JAKMIP3: variants seen among roughly 807,000 people sequenced by gnomAD.
The protein encoded by JAKMIP3 is janus kinase and microtubule-interacting protein 3.
In JAKMIP3, 58 loss-of-function variants were observed where a neutral mutation model predicts 118.5. That is an observed-to-expected ratio of 0.49 (90% confidence interval 0.40 to 0.61). The LOEUF is 0.61. JAKMIP3 is among the 20% of genes least tolerant of loss of function. The probability of loss-of-function intolerance (pLI) is 0.00; values close to 1 mark genes in which losing one functional copy is unlikely to be tolerated. For missense variants in JAKMIP3, 950 were observed against 1,109.0 expected (o/e 0.86, Z 2.04); for synonymous variants, 486 against 451.2 (o/e 1.08, Z -0.98).
rs762758891 is a variant in JAKMIP3, at chr10:132,135,987, C to T, written c.1027C>T (p.Arg343Cys). ...QYKPLLDKNK[R>C]LSRKNEDLSH... Reference sequence around the variant, plus strand: ...CAAGCCTCTGCTGGATAAAAACAAGCGCCTCAGTCGGAAGAACGAGGATTT... The same window carrying T: ...CAAGCCTCTGCTGGATAAAAACAAGTGCCTCAGTCGGAAGAACGAGGATTT... The change falls in exon 6 of 24, where the codon CGC (arginine) becomes TGC (cysteine). Residue 343 changes from arginine (R) to cysteine (C), a missense_variant. Coordinates refer to ENST00000684848, the MANE Select transcript of JAKMIP3 (RefSeq NM_001323087.2). 24 of 1,613,390 alleles carry T rather than the reference C, an allele frequency of 1.5e-5. No homozygotes were observed. Among genetic ancestry groups the T allele is most frequent in the East Asian group, 2.2e-5 (1 of 44,890 alleles).
intron 13 of JAKMIP3, among the ~76,000 whole-genome samples, chr10:132,147,608 C>T (rs942349090): frequency 6.6e-5 from 10 of 152,358 alleles, no homozygotes; most frequent in African/African-American, 1.7e-4. Flanking sequence ...GTGCTCCTGG[C>T]TTGTGATGTA....
rs114626954 is a variant in JAKMIP3, at chr10:132,173,322, C to G, written c.*1103+4289C>G. On this transcript the variant is annotated intron_variant, in intron 23 of 23. Transcript: ENST00000684848. ...TGTGTGGTTCTTCGCAGCCATCTTC[C>G]CCTCCTTGTTTGTGACACTGGCGGT... 4.1e-3 allele frequency among the ~76,000 whole-genome samples: 605 copies of G among 149,222 alleles called. 7 individuals carry two copies. The highest frequency in any genetic ancestry group is 0.014 in the African/African-American group (554 of 40,208).
rs1370466138 is a variant in JAKMIP3, at chr10:132,044,800, A to AC, written c.-138+8068dup. ...TTTCATCTTCCCAAACGGAAACTGT[A>AC]CCCCCCACCCAGCCCCTGACACCCC... On this transcript the variant is annotated intron_variant, in intron 1 of 23. Coordinates refer to the JAKMIP3 transcript ENST00000657785. This position sits in a 1 kb window ranked among gnomAD's most constrained non-coding sequence, Gnocchi z 5.3. 6.6e-6 allele frequency among the ~76,000 whole-genome samples: 1 copy of AC among 151,596 alleles called. No homozygotes were observed.
At chr10:132,155,117 CATGATG>C (rs534285754) in intron 19 of JAKMIP3, among the ~76,000 whole-genome samples, 1 of 106,882 alleles carries the variant, frequency 9.4e-6, no homozygotes, top group East Asian at 3.0e-4. Context: ...CGATGATGGT[CATGATG>C]ATGGTGATGG....
In JAKMIP3 at chr10:132,168,723, C is replaced by A. The variant is rs553960270; in HGVS notation, c.*793C>A. ...ACTGAGCCAAGGAAGGCGTGGGGAG[C>A]GTGGTGACAGGAGGTGGGACGAGGG... is the stretch of plus-strand genomic sequence containing the variant. On this transcript the variant is annotated 3_prime_UTR_variant, in exon 23 of 24. Transcript: ENST00000684848. 2 of 265,860 alleles carry A rather than the reference C, an allele frequency of 7.5e-6. No homozygotes were observed. The highest frequency in any genetic ancestry group is 7.4e-6 in the Non-Finnish European group (1 of 136,016). The allele number at this position is 265,860 out of a possible 1,614,324, so 16.5% of individuals were successfully genotyped here. A position where few individuals can be genotyped will look rare whatever the true frequency, so the allele number is the denominator to read the frequency against.
At chr10:132,122,653 C>G (rs1035187036) in intron 3 of JAKMIP3, among the ~76,000 whole-genome samples, 2 of 152,178 alleles carry the variant, frequency 1.3e-5, no homozygotes, top group Non-Finnish European at 2.9e-5. Flanking sequence ...AGAGAGGAAG[C>G]CAGATGGAGG....
In JAKMIP3 at chr10:132,056,552, C is replaced by T. The variant is rs187100848; in HGVS notation, c.-138+19814C>T. The stretch of plus-strand genomic sequence containing the variant: ...GTTCCTGCACCTGGTGTTCAGTGGC[C>T]ACAGGATACTAGGGCCTCCTTATCT... On this transcript the variant is annotated intron_variant, in intron 1 of 23. Coordinates refer to the JAKMIP3 transcript ENST00000657785. Among the ~76,000 whole-genome samples the T allele has an allele frequency of 3.2e-3, 490 of 152,292 alleles. 8 individuals are homozygous for T. Among genetic ancestry groups the T allele is most frequent in the Admixed American group, 6.5e-4 (10 of 15,310 alleles).
intron 1 of JAKMIP3, among the ~76,000 whole-genome samples, chr10:132,093,749 C>T (rs529948828): frequency 2.6e-5 from 4 of 152,234 alleles, no homozygotes; most frequent in South Asian, 2.1e-4. Context: ...CTGTCCTGCC[C>T]CCACTGTCCG....
At chr10:132,151,300 C>T (rs1473698888) in intron 16 of JAKMIP3, among the ~76,000 whole-genome samples, 1 of 152,210 alleles carries the variant, frequency 6.6e-6, no homozygotes, top group Non-Finnish European at 1.5e-5. Flanking sequence ...CCCCTCCCTC[C>T]ATCCATCCAT....
At chr10:132,098,564 G>A (rs750741542) in intron 1 of JAKMIP3, among the ~76,000 whole-genome samples, 6 of 152,192 alleles carry the variant, frequency 3.9e-5, no homozygotes, top group African/African-American at 9.7e-5. Flanking sequence ...CATCTTTAGC[G>A]TCCATCGCAG....
chr10:132,168,593 T>A lies in JAKMIP3; in HGVS notation c.*663T>A. ...TCTCTGTGGGGACAGACAAGAGCCGTGGCCGCCGCGGGCCGCGTGGTGCCA... is the reference window on the plus strand; with the variant it reads ...TCTCTGTGGGGACAGACAAGAGCCGAGGCCGCCGCGGGCCGCGTGGTGCCA... On this transcript the variant is annotated 3_prime_UTR_variant, in exon 23 of 24. Coordinates refer to ENST00000684848, the MANE Select transcript of JAKMIP3 (RefSeq NM_001323087.2). 1 of 363,376 alleles carries A rather than the reference T, an allele frequency of 2.8e-6. No individual in the cohort carries two copies. Among genetic ancestry groups the A allele is most frequent in the South Asian group, 2.1e-5 (1 of 47,426 alleles). 22.5% of individuals were successfully genotyped at this position (363,376 alleles called of 1,614,324 possible).
chr10:132,059,955 C>T (rs1329422183), upstream of JAKMIP3, among the ~76,000 whole-genome samples: 5 of 152,184 alleles, frequency 3.3e-5, no homozygotes, highest in Admixed American at 3.3e-4. Flanking sequence ...GAGCCACAGC[C>T]ACAGCTGCTG....
chr10:132,145,059 T>G (rs1589940391), intron 11 of JAKMIP3, 48 bp from the exon 12 acceptor site: 2 of 1,521,592 alleles, frequency 1.3e-6, no homozygotes, highest in East Asian at 2.3e-5. Flanking sequence ...GTGCTGTCTG[T>G]CCCAGCTTTT....
At chr10:132,100,803 G>A (rs936998561) in intron 1 of JAKMIP3, among the ~76,000 whole-genome samples, 9 of 125,628 alleles carry the variant, frequency 7.2e-5, no homozygotes, top group South Asian at 2.8e-4. Flanking sequence ...AACCCCGGCC[G>A]CGCTCCCCAT....
chr10:132,060,567 G>T (rs77075243), upstream of JAKMIP3, among the ~76,000 whole-genome samples: 9,294 of 152,264 alleles, frequency 0.061, 464 homozygotes, highest in East Asian at 0.25. Context: ...TGAGAGAGGG[G>T]TGCAGGCTAT....
At chr10:132,038,343 C>T (rs1204704503) in intron 1 of JAKMIP3, among the ~76,000 whole-genome samples, 6 of 152,194 alleles carry the variant, frequency 3.9e-5, no homozygotes, top group South Asian at 2.1e-4. Flanking sequence ...ACAACCCCCA[C>T]GGCAGTCAGC....
At chr10:132,147,712 G>T (rs1173844920) in intron 13 of JAKMIP3, among the ~76,000 whole-genome samples, 1 of 152,258 alleles carries the variant, frequency 6.6e-6, no homozygotes, top group African/African-American at 2.4e-5. Context: ...TGATCGCCAG[G>T]CTCCTGGCTT....
intron 1 of JAKMIP3, among the ~76,000 whole-genome samples, chr10:132,081,585 C>G (rs1299758136): frequency 1.3e-5 from 2 of 152,114 alleles, no homozygotes; most frequent in Non-Finnish European, 2.9e-5. Context: ...CTAAGGTGCC[C>G]TTGGAGAGGT....
At chr10:132,076,778 T>A (rs2040864253) in intron 1 of JAKMIP3, among the ~76,000 whole-genome samples, 1 of 144,844 alleles carries the variant, frequency 6.9e-6, no homozygotes, top group African/African-American at 2.6e-5. Context: ...TGGCCCCGGG[T>A]CTGACTGAGG....
Sources: allele counts gnomAD v4.1 joint callset (sites outside exome capture counted in the v4.1 genomes callset), GRCh38; gene constraint gnomAD v4.1.1; non-coding constraint Gnocchi (gnomAD v3.1); transcripts MANE v1.5; gene names NCBI Gene and HGNC (gene_info 2026-07-23, HGNC 2026-07-21).